DSCAM: variants seen among roughly 807,000 people sequenced by gnomAD.
The protein encoded by DSCAM is cell adhesion molecule DSCAM.
DSCAM carries 47 observed loss-of-function variants against 217.7 expected under a neutral mutation model. That is an observed-to-expected ratio of 0.22 (90% CI 0.17 to 0.28). The LOEUF (loss-of-function observed/expected upper bound fraction) is 0.28. Ranked by LOEUF, DSCAM falls within the 10% of genes least tolerant of loss-of-function variation. The pLI is 1.00. For synonymous variants in DSCAM, 1,056 were observed against 1,015.3 expected (o/e 1.04, Z -0.76); for missense variants, 2,080 against 2,618.3 (o/e 0.79, Z 4.49).
At chr21:40,278,542 G>C (rs146242719) in intron 10 of DSCAM, among the ~76,000 whole-genome samples, 5 of 152,108 alleles carry the variant, frequency 3.3e-5, no homozygotes, top group Non-Finnish European at 1.5e-5. Flanking sequence ...AGACTAGCCA[G>C]AGTCACAGAG....
At chr21:40,598,509 T>TTG (rs2077039007) in intron 3 of DSCAM, among the ~76,000 whole-genome samples, 1 of 137,834 alleles carries the variant, frequency 7.3e-6, no homozygotes. Context: ...TTTTTTTTTT[T>TTG]TTTTTTTTTT....
At chr21:40,705,802 A>C (rs61034466) in intron 2 of DSCAM, among the ~76,000 whole-genome samples, 242 of 152,268 alleles carry the variant, frequency 1.6e-3, no homozygotes, top group African/African-American at 5.4e-3. Context: ...GCCTCAGGAC[A>C]CTGGTTTTTG....
chr21:40,342,640 ATATATATAT>A (rs1165934558), intron 6 of DSCAM, among the ~76,000 whole-genome samples: 1 of 94,178 alleles, frequency 1.1e-5, no homozygotes, highest in African/African-American at 4.4e-5. Flanking sequence ...ATATATATAT[ATATATATAT>A]TTTTTTTTTT....
intron 6 of DSCAM, among the ~76,000 whole-genome samples, chr21:40,340,420 T>C (rs143659674): frequency 1.7e-3 from 260 of 152,340 alleles, no homozygotes; most frequent in Non-Finnish European, 3.0e-3. Context: ...TGTTTTTCCA[T>C]TTATAAAAAG....
chr21:40,221,377 G>A (rs978073792), intron 11 of DSCAM, among the ~76,000 whole-genome samples: 10 of 149,350 alleles, frequency 6.7e-5, no homozygotes, highest in Admixed American at 1.3e-4. Flanking sequence ...TAATGTGTAC[G>A]TGTATAATAC....
At chr21:40,372,240 T>C (rs918347617) in intron 3 of DSCAM, among the ~76,000 whole-genome samples, 1 of 152,206 alleles carries the variant, frequency 6.6e-6, no homozygotes, top group African/African-American at 2.4e-5. Context: ...CCATGTCATA[T>C]GGATTAAATG....
At chr21:40,560,087 G>A (rs907169541) in intron 3 of DSCAM, among the ~76,000 whole-genome samples, 8 of 152,226 alleles carry the variant, frequency 5.3e-5, no homozygotes, top group South Asian at 2.1e-4. Context: ...GCCACCATGC[G>A]TGGCCAATTT....
At chr21:40,639,675 GTGTA>G in intron 3 of DSCAM, among the ~76,000 whole-genome samples, 1 of 129,386 alleles carries the variant, frequency 7.7e-6, no homozygotes, top group Admixed American at 8.6e-5. Flanking sequence ...CTTTGTGTAT[GTGTA>G]TGTGTGTGCA....
chr21:40,259,697 G>A (rs1437083070), intron 11 of DSCAM, among the ~76,000 whole-genome samples: 3 of 81,256 alleles, frequency 3.7e-5, no homozygotes, highest in African/African-American at 1.2e-4. Context: ...TTTTTGAGAT[G>A]GAGTCTCGCT....
intron 8 of DSCAM, among the ~76,000 whole-genome samples, chr21:40,336,243 T>G (rs1180639436): frequency 1.3e-5 from 2 of 152,188 alleles, no homozygotes; most frequent in African/African-American, 4.8e-5. Context: ...AATGGCTACC[T>G]AAAAACGATG....
intron 3 of DSCAM, among the ~76,000 whole-genome samples, chr21:40,587,218 A>C (rs1291254551): frequency 1.3e-5 from 2 of 152,168 alleles, no homozygotes; most frequent in Non-Finnish European, 2.9e-5. Flanking sequence ...CCTCAAAATC[A>C]TCTAATTTGT....
chr21:40,648,224 T>C (rs1032361939), intron 3 of DSCAM, among the ~76,000 whole-genome samples: 12 of 149,276 alleles, frequency 8.0e-5, no homozygotes, highest in Admixed American at 1.4e-4. Flanking sequence ...ATTAAAAACT[T>C]TCCTCTAATT....
chr21:40,108,808 A>G (rs1218950410), intron 20 of DSCAM, among the ~76,000 whole-genome samples: 1 of 152,174 alleles, frequency 6.6e-6, no homozygotes, highest in Non-Finnish European at 1.5e-5. Context: ...AGACACATAG[A>G]CCAATGGAAC....
chr21:40,800,818 T>C (rs774078059), intron 1 of DSCAM, among the ~76,000 whole-genome samples: 39 of 151,146 alleles, frequency 2.6e-4, no homozygotes, highest in Non-Finnish European at 5.0e-4. Flanking sequence ...CAGATTCAAG[T>C]GATTCTCCTG....
At chr21:40,283,980 A>T (rs1282561613) in intron 10 of DSCAM, among the ~76,000 whole-genome samples, 2 of 149,452 alleles carry the variant, frequency 1.3e-5, no homozygotes, top group African/African-American at 2.6e-5. Flanking sequence ...TTCACCAAGG[A>T]ATCAAACACA....
intron 3 of DSCAM, among the ~76,000 whole-genome samples, chr21:40,666,057 G>C (rs942306120): frequency 3.3e-5 from 5 of 152,146 alleles, no homozygotes; most frequent in Non-Finnish European, 7.3e-5. Context: ...CTGTGGAGTT[G>C]GCTGCATCCC....
intron 1 of DSCAM, among the ~76,000 whole-genome samples, chr21:40,724,785 T>C (rs532358529): frequency 6.6e-6 from 1 of 152,336 alleles, no homozygotes; most frequent in Admixed American, 6.5e-5. Flanking sequence ...TAAATTCTTC[T>C]TAGTTTCATT....
intron 3 of DSCAM, among the ~76,000 whole-genome samples, chr21:40,633,502 A>G (rs1346042163): frequency 6.6e-6 from 1 of 152,234 alleles, no homozygotes; most frequent in Non-Finnish European, 1.5e-5. Context: ...GTAAAACAAA[A>G]TATGTACAAA....
intron 1 of DSCAM, among the ~76,000 whole-genome samples, chr21:40,724,869 T>C (rs1367271624): frequency 2.6e-5 from 4 of 152,236 alleles, no homozygotes; most frequent in African/African-American, 7.2e-5. Context: ...ATTTTTCATT[T>C]TGCTCTGACC....
Sources: allele counts gnomAD v4.1 joint callset (sites outside exome capture counted in the v4.1 genomes callset), GRCh38; gene constraint gnomAD v4.1.1; transcripts MANE v1.5; gene names NCBI Gene and HGNC (gene_info 2026-07-23, HGNC 2026-07-21).